Variants in PLXNA2 observed in about 807,000 individuals in gnomAD.
The protein encoded by PLXNA2 is plexin-A2.
In PLXNA2, 91 loss-of-function variants were observed where a neutral mutation model predicts 193.5. The observed-to-expected ratio is 0.47, with a 90% CI of 0.40 to 0.56. The LOEUF is 0.56. Ranked by LOEUF, PLXNA2 falls within the 20% of genes least tolerant of loss-of-function variation. The probability of loss-of-function intolerance (pLI) is 0.00; values close to 1 mark genes in which losing one functional copy is unlikely to be tolerated. For synonymous variants in PLXNA2, 997 were observed against 1,027.3 expected (o/e 0.97, Z 0.56); for missense variants, 1,995 against 2,503.2 (o/e 0.80, Z 4.33).
At chr1:208,077,188 T>C (rs1357088887) in intron 12 of PLXNA2, among the ~76,000 whole-genome samples, 1 of 152,114 alleles carries the variant, frequency 6.6e-6, no homozygotes, top group Non-Finnish European at 1.5e-5. Flanking sequence ...GGACACAGCA[T>C]GGATTTGTCT....
chr1:208,152,671 A>ACACACACACG (rs1167176174), intron 3 of PLXNA2, among the ~76,000 whole-genome samples: 1,050 of 61,098 alleles, frequency 0.017, 25 homozygotes, highest in East Asian at 0.16. Flanking sequence ...ATACACATAC[A>ACACACACACG]CACACACACA....
At chr1:208,056,961 G>C (rs1665451804) in intron 13 of PLXNA2, among the ~76,000 whole-genome samples, 1 of 152,188 alleles carries the variant, frequency 6.6e-6, no homozygotes, top group African/African-American at 2.4e-5. Context: ...CTGGGACCCA[G>C]TGCCTGCAGG....
At chr1:208,084,328 G>C in intron 10 of PLXNA2, 52 bp downstream of exon 10, 1 of 1,581,572 alleles carries the variant, frequency 6.3e-7, no homozygotes, top group Non-Finnish European at 8.7e-7. Context: ...GCCCCAGCAC[G>C]AGTGTGAGAG....
intron 1 of PLXNA2, among the ~76,000 whole-genome samples, chr1:208,241,896 C>T (rs1173947938): frequency 7.1e-6 from 1 of 141,334 alleles, no homozygotes; most frequent in East Asian, 2.5e-4. Context: ...AACAACCTCG[C>T]TATGACAGAT....
intron 3 of PLXNA2, among the ~76,000 whole-genome samples, chr1:208,168,157 T>C (rs910487980): frequency 3.3e-5 from 5 of 152,180 alleles, no homozygotes; most frequent in Non-Finnish European, 5.9e-5. Context: ...ACCTACACCA[T>C]TGGTGAGAAC....
chr1:208,179,468 C>T (rs79970754), intron 3 of PLXNA2, among the ~76,000 whole-genome samples: 457 of 152,254 alleles, frequency 3.0e-3, no homozygotes, highest in Middle Eastern at 6.8e-3. Context: ...TGGTCAGGAA[C>T]CTCCTCCCTC....
chr1:208,118,606 C>T (rs1483100362), intron 4 of PLXNA2, among the ~76,000 whole-genome samples: 3 of 152,156 alleles, frequency 2.0e-5, no homozygotes, highest in African/African-American at 7.2e-5. Flanking sequence ...AGTGTGGGGA[C>T]TGTTCAAATC....
rs1222990210 is a variant in PLXNA2, at chr1:208,026,038, C to T, written c.*1205G>A. 2 of 152,676 alleles carry T rather than the reference C, an allele frequency of 1.3e-5. No homozygotes were observed. Among genetic ancestry groups the T allele is most frequent in the Non-Finnish European group, 2.9e-5 (2 of 68,052 alleles). The allele number at this position is 152,676 out of a possible 1,614,324, so 9.5% of individuals were successfully genotyped here. A position where few individuals can be genotyped will look rare whatever the true frequency, so the allele number is the denominator to read the frequency against. On this transcript the variant is annotated 3_prime_UTR_variant, in exon 32 of 32. Transcript: ENST00000367033. ...GAAAGCATAATAATAAATACTGCAGCTTCTGTAACCTATGCTCTTCAAGTA... is the reference window on the plus strand; with the variant it reads ...GAAAGCATAATAATAAATACTGCAGTTTCTGTAACCTATGCTCTTCAAGTA...
intron 3 of PLXNA2, among the ~76,000 whole-genome samples, chr1:208,185,612 G>T (rs892151030): frequency 7.7e-6 from 1 of 129,650 alleles, no homozygotes; most frequent in African/African-American, 2.9e-5. Context: ...GCCCTCGCCA[G>T]CCCCCAACCC....
At chr1:208,066,742 A>G (rs1245684391) in intron 12 of PLXNA2, among the ~76,000 whole-genome samples, 1 of 152,162 alleles carries the variant, frequency 6.6e-6, no homozygotes, top group African/African-American at 2.4e-5. Context: ...TCATCATAGG[A>G]GACGACAGCT....
intron 9 of PLXNA2, among the ~76,000 whole-genome samples, chr1:208,087,565 T>G: frequency 6.6e-6 from 1 of 152,214 alleles, no homozygotes; most frequent in East Asian, 1.9e-4. Context: ...CTTTGTTTCT[T>G]TATTTGGCAA....
intron 4 of PLXNA2, among the ~76,000 whole-genome samples, chr1:208,118,962 T>A (rs1028196506): frequency 4.6e-5 from 7 of 152,182 alleles, no homozygotes; most frequent in African/African-American, 1.7e-4. Flanking sequence ...AATCAGAACA[T>A]TGCCGGAGAA....
In PLXNA2 at chr1:208,044,026, G is replaced by A. The variant is rs961272625; in HGVS notation, c.3874+482C>T. ...CAGCCAAGGACACCAGCAAGTGGCG[G>A]CCTTCAGAGCGCTCAGCCTGCAGCA... On this transcript the variant is annotated intron_variant, in intron 20 of 31. Transcript: ENST00000367033. The surrounding 1 kb of genome is among the most constrained non-coding windows in gnomAD (Gnocchi z 4.9). Among the ~76,000 whole-genome samples, 1 of 152,230 alleles carries A rather than the reference G, an allele frequency of 6.6e-6. No individual in the cohort carries two copies. Among genetic ancestry groups the A allele is most frequent in the Non-Finnish European group, 1.5e-5 (1 of 68,044 alleles).
chr1:208,174,628 C>G (rs1184010971), intron 3 of PLXNA2, among the ~76,000 whole-genome samples: 1 of 152,094 alleles, frequency 6.6e-6, no homozygotes, highest in Non-Finnish European at 1.5e-5. Flanking sequence ...GCCGGAGGAG[C>G]TCCCATGCCC....
At chr1:208,176,584 T>C (rs944323514) in intron 3 of PLXNA2, among the ~76,000 whole-genome samples, 3 of 152,154 alleles carry the variant, frequency 2.0e-5, no homozygotes, top group African/African-American at 4.8e-5. Flanking sequence ...TCCAGGTAGA[T>C]AGAAAGTGCC....
In PLXNA2 at chr1:208,038,460, G is replaced by A. The variant is rs1032133067; in HGVS notation, c.4675C>T (p.Arg1559Trp). Residue 1559 changes from arginine to tryptophan, a missense_variant, in exon 26 of 32, where the codon CGG becomes TGG. Physicochemically the swap from Arg to Trp is moderately radical, Grantham distance 101 (BLOSUM62 -3). Around this residue, in one of 3 missense-constraint regions of PLXNA2, gnomAD observed 1,291 missense variants for 1,673.6 expected, o/e 0.77. Transcript: ENST00000367033. The surrounding 1 kb of genome is among the most constrained non-coding windows in gnomAD (Gnocchi z 4.1). ...VDMDLEWRQG[R>W]IARVVLQDED... ...TCTTGCAGCACGACCCGGGCGATCC[G>A]GCCTTGGCGCCACTCTGGGTGGAGG... is the stretch of plus-strand genomic sequence containing the variant. The A allele has an allele frequency of 2.5e-6, 4 of 1,613,948 alleles. No homozygotes were observed. In the African/African-American group the frequency reaches 4.0e-5, roughly 16 times the overall value.
chr1:208,229,476 T>C (rs1378409994), intron 1 of PLXNA2, among the ~76,000 whole-genome samples: 2 of 152,204 alleles, frequency 1.3e-5, no homozygotes, highest in Admixed American at 6.5e-5. Flanking sequence ...TTTTTCTCAG[T>C]GGACACTGTC....
intron 1 of PLXNA2, among the ~76,000 whole-genome samples, chr1:208,227,296 G>A (rs769121043): frequency 6.6e-6 from 1 of 152,114 alleles, no homozygotes; most frequent in Admixed American, 6.5e-5. Flanking sequence ...TACATGACAC[G>A]CTATGCTACA....
chr1:208,038,304 A>G lies in PLXNA2; in HGVS notation c.4764+67T>C, dbSNP rs1260113183. 1 of 1,116,934 alleles carries G rather than the reference A, an allele frequency of 9.0e-7. No individual in the cohort carries two copies. Among genetic ancestry groups the G allele is most frequent in the African/African-American group, 1.5e-5 (1 of 65,628 alleles). 69.2% of individuals were successfully genotyped at this position (1,116,934 alleles called of 1,614,324 possible). A position where few individuals can be genotyped will look rare whatever the true frequency, so the allele number is the denominator to read the frequency against. ...ATCCTTTTTAGACTTTTGAGGCCTT[A>G]GAGCAAGGCTTAGCGGGAAGGGAAC... is the stretch of plus-strand genomic sequence containing the variant. On this transcript the variant is annotated intron_variant, in intron 26 of 31. Coordinates refer to ENST00000367033, the MANE Select transcript of PLXNA2 (RefSeq NM_025179.4). The surrounding 1 kb of genome is among the most constrained non-coding windows in gnomAD (Gnocchi z 4.1).
Sources: allele counts gnomAD v4.1 joint callset (sites outside exome capture counted in the v4.1 genomes callset), GRCh38; gene constraint gnomAD v4.1.1; regional missense constraint gnomAD v4.1.1; non-coding constraint Gnocchi (gnomAD v3.1); transcripts MANE v1.5; gene names NCBI Gene and HGNC (gene_info 2026-07-23, HGNC 2026-07-21).